Variants in HDAC9 observed in about 807,000 individuals in gnomAD.
The protein encoded by HDAC9 is MEF-2 interacting transcription repressor (MITR) protein.
Under a neutral mutation model 139.4 loss-of-function variants are expected in HDAC9, and 41 were observed. That is an observed-to-expected ratio of 0.29 (90% CI 0.23 to 0.38). The LOEUF (loss-of-function observed/expected upper bound fraction) is 0.38. Ranked by LOEUF, HDAC9 falls within the 10% of genes least tolerant of loss-of-function variation. The pLI is 1.00. For synonymous variants in HDAC9, 517 were observed against 476.2 expected (o/e 1.09, Z -1.12); for missense variants, 1,147 against 1,297.0 (o/e 0.88, Z 1.78).
intron 10 of HDAC9, 98 bp downstream of exon 10, chr7:18,648,096 C>A: frequency 1.0e-6 from 1 of 960,934 alleles, no homozygotes; most frequent in Non-Finnish European, 1.5e-6. Context: ...GATGGAGATC[C>A]ACAGTGCTAT....
intron 2 of HDAC9, among the ~76,000 whole-genome samples, chr7:18,522,704 T>C (rs1256857977): frequency 6.6e-6 from 1 of 151,642 alleles, no homozygotes; most frequent in African/African-American, 2.4e-5. Context: ...GCGCTGTAGG[T>C]GAGGTAATTG....
intron 2 of HDAC9, among the ~76,000 whole-genome samples, chr7:18,234,952 C>G (rs1241831797): frequency 6.6e-6 from 1 of 152,138 alleles, no homozygotes; most frequent in Non-Finnish European, 1.5e-5. Context: ...TCATCCATAG[C>G]TTCACATGTC....
chr7:18,982,400 A>G lies in HDAC9; in HGVS notation c.3170+6447A>G, dbSNP rs543527720. Among the ~76,000 whole-genome samples, 12 of 152,254 alleles carry G rather than the reference A, an allele frequency of 7.9e-5. No individual in the cohort carries two copies. In the South Asian group the frequency reaches 2.5e-3, roughly 32 times the overall value. ...CTTCAATAGGCTCCATAAGGTCTGT[A>G]TTAGTAGACTCATACCTATAATTCC... is the stretch of plus-strand genomic sequence containing the variant. On this transcript the variant is annotated intron_variant, in intron 25 of 25. Transcript: ENST00000686413.
intron 1 of HDAC9, among the ~76,000 whole-genome samples, chr7:18,313,034 C>A (rs181815480): frequency 1.2e-4 from 18 of 152,182 alleles, no homozygotes; most frequent in African/African-American, 4.3e-4. Context: ...ACATAAGGCA[C>A]CTGTTTTCTT....
chr7:18,824,044 G>GGAAGAGGAGGAA (rs71309048), intron 17 of HDAC9, among the ~76,000 whole-genome samples: 1,389 of 67,200 alleles, frequency 0.021, 29 homozygotes, highest in Non-Finnish European at 0.034. Context: ...AAGAGGAAGA[G>GGAAGAGGAGGAA]GAAGAAGAAG....
chr7:18,204,332 CTTT>C (rs35479287), intron 2 of HDAC9, among the ~76,000 whole-genome samples: 2 of 116,010 alleles, frequency 1.7e-5, no homozygotes, highest in Non-Finnish European at 1.8e-5. Flanking sequence ...TTGAATCTGC[CTTT>C]TTTTTTTTTT....
At chr7:18,243,780 T>G (rs1794343673) in intron 2 of HDAC9, among the ~76,000 whole-genome samples, 1 of 152,224 alleles carries the variant, frequency 6.6e-6, no homozygotes, top group African/African-American at 2.4e-5. Flanking sequence ...AAATTTATTT[T>G]ATTTTTCTAT....
At chr7:18,583,294 G>A (rs1828391207) in intron 2 of HDAC9, among the ~76,000 whole-genome samples, 1 of 152,126 alleles carries the variant, frequency 6.6e-6, no homozygotes, top group Admixed American at 6.6e-5. Flanking sequence ...GGGAACAGAG[G>A]CCTAGGGAAA....
chr7:18,247,429 G>A (rs1794629918), intron 2 of HDAC9, among the ~76,000 whole-genome samples: 1 of 152,052 alleles, frequency 6.6e-6, no homozygotes, highest in South Asian at 2.1e-4. Flanking sequence ...GTAAACCAAG[G>A]AGGAGAGGTC....
At chr7:18,651,791 A>G (rs1789357244) in intron 11 of HDAC9, among the ~76,000 whole-genome samples, 1 of 152,132 alleles carries the variant, frequency 6.6e-6, no homozygotes, top group Non-Finnish European at 1.5e-5. Flanking sequence ...TGTGTGTTCT[A>G]AGATTATTTG....
chr7:18,206,266 G>C (rs1791503787), intron 2 of HDAC9, among the ~76,000 whole-genome samples: 1 of 152,086 alleles, frequency 6.6e-6, no homozygotes, highest in Non-Finnish European at 1.5e-5. Flanking sequence ...AGGAGTTTTG[G>C]AAAATAAAAC....
At chr7:18,284,593 A>G (rs905712951) in intron 2 of HDAC9, among the ~76,000 whole-genome samples, 4 of 152,164 alleles carry the variant, frequency 2.6e-5, no homozygotes, top group Non-Finnish European at 4.4e-5. Context: ...AGGATCGACT[A>G]TAATGAATTC....
chr7:18,394,342 T>C (rs1168237301), intron 1 of HDAC9, among the ~76,000 whole-genome samples: 1 of 152,100 alleles, frequency 6.6e-6, no homozygotes, highest in Non-Finnish European at 1.5e-5. Flanking sequence ...ATTGGAAATA[T>C]TAAGAGGGAG....
intron 14 of HDAC9, among the ~76,000 whole-genome samples, chr7:18,751,443 G>A (rs1168669690): frequency 6.6e-6 from 1 of 152,030 alleles, no homozygotes; most frequent in Non-Finnish European, 1.5e-5. Flanking sequence ...AGTTCACCAG[G>A]TGTTTGCTTT....
chr7:18,889,478 C>A (rs571507485), intron 22 of HDAC9, among the ~76,000 whole-genome samples: 51 of 152,092 alleles, frequency 3.4e-4, no homozygotes, highest in African/African-American at 1.1e-3. Flanking sequence ...TATTTAAAGT[C>A]AATCTCTTTA....
intron 7 of HDAC9, among the ~76,000 whole-genome samples, chr7:18,632,117 C>G (rs370909323): frequency 6.6e-6 from 1 of 151,382 alleles, no homozygotes; most frequent in African/African-American, 2.4e-5. Flanking sequence ...ATTGTAAAGA[C>G]GAGAGTTAGG....
intron 1 of HDAC9, chr7:18,458,961 G>A (rs1793596843): frequency 1.7e-6 from 2 of 1,204,630 alleles, no homozygotes; most frequent in Non-Finnish European, 2.4e-6. Context: ...AACATGAGTG[G>A]GTGACTTCCT....
chr7:18,371,364 G>A (rs575870167), intron 1 of HDAC9, among the ~76,000 whole-genome samples: 1 of 152,198 alleles, frequency 6.6e-6, no homozygotes, highest in East Asian at 1.9e-4. Context: ...GAAGATAAAT[G>A]AATTTTTCAA....
upstream of HDAC9, among the ~76,000 whole-genome samples, chr7:18,288,875 G>A (rs1399424811): frequency 6.6e-6 from 1 of 152,180 alleles, no homozygotes; most frequent in Non-Finnish European, 1.5e-5. Flanking sequence ...TGTTTGAATG[G>A]ATGAGGAAGG....
Sources: allele counts gnomAD v4.1 joint callset (sites outside exome capture counted in the v4.1 genomes callset), GRCh38; gene constraint gnomAD v4.1.1; transcripts MANE v1.5; gene names NCBI Gene and HGNC (gene_info 2026-07-23, HGNC 2026-07-21).